ZBTB20: variants seen among roughly 807,000 people sequenced by gnomAD.
ZBTB20 encodes the protein zinc finger and BTB domain containing 20, also known as zinc finger and BTB domain-containing protein 20.
A neutral mutation model predicts 56.9 loss-of-function variants in ZBTB20; 9 were observed. That is an observed-to-expected ratio of 0.16 (90% confidence interval 0.10 to 0.28). The LOEUF (loss-of-function observed/expected upper bound fraction) is 0.28, where lower values mean the gene tolerates loss of function less well. ZBTB20 is among the 10% of genes least tolerant of loss of function. The pLI is 1.00. For synonymous variants in ZBTB20, 417 were observed against 420.7 expected (o/e 0.99, Z 0.11); for missense variants, 655 against 1,003.0 (o/e 0.65, Z 4.69).
intron 2 of ZBTB20, among the ~76,000 whole-genome samples, chr3:115,036,616 T>C (rs1199082841): frequency 6.6e-6 from 1 of 152,188 alleles, no homozygotes; most frequent in African/African-American, 2.4e-5. Context: ...CGTTTCACCA[T>C]GTTGGCCAGG....
chr3:114,826,896 C>T (rs532935403), intron 4 of ZBTB20, among the ~76,000 whole-genome samples: 3 of 151,672 alleles, frequency 2.0e-5, no homozygotes, highest in African/African-American at 7.2e-5. Context: ...ATTGAAACCT[C>T]CTTAATAAGC....
chr3:114,592,814 T>C (rs1309796118), intron 6 of ZBTB20, among the ~76,000 whole-genome samples: 1 of 152,192 alleles, frequency 6.6e-6, no homozygotes, highest in Non-Finnish European at 1.5e-5. Context: ...TTATATAATA[T>C]TTTATTCTAT....
intron 2 of ZBTB20, among the ~76,000 whole-genome samples, chr3:115,013,824 A>G (rs756387999): frequency 6.6e-6 from 1 of 151,720 alleles, no homozygotes; most frequent in African/African-American, 2.4e-5. Flanking sequence ...GTGGAAATGT[A>G]TATTAGTACA....
intron 4 of ZBTB20, among the ~76,000 whole-genome samples, chr3:114,803,134 C>CTT (rs554074169): frequency 7.0e-6 from 1 of 142,214 alleles, no homozygotes. Context: ...CTTTTTCCTT[C>CTT]TTTTTTTTTT....
chr3:114,470,447 T>C (rs1398626650), intron 7 of ZBTB20, among the ~76,000 whole-genome samples: 1 of 152,270 alleles, frequency 6.6e-6, no homozygotes, highest in African/African-American at 2.4e-5. Context: ...TGGTTATATG[T>C]GGAAGACAGG....
intron 7 of ZBTB20, among the ~76,000 whole-genome samples, chr3:114,458,031 C>T (rs114117311): frequency 8.1e-4 from 123 of 152,310 alleles, no homozygotes; most frequent in African/African-American, 2.8e-3. Context: ...TCTTCTGTAG[C>T]TCACTTCAGG....
chr3:114,404,976 G>A (rs963167073), intron 7 of ZBTB20, among the ~76,000 whole-genome samples: 21 of 152,136 alleles, frequency 1.4e-4, no homozygotes, highest in African/African-American at 4.8e-4. Context: ...TTCATGGATA[G>A]CAAGTGAAAA....
intron 1 of ZBTB20, among the ~76,000 whole-genome samples, chr3:115,106,448 T>C (rs548268078): frequency 6.6e-6 from 1 of 151,744 alleles, no homozygotes; most frequent in South Asian, 2.1e-4. Context: ...TTAGCCAGGA[T>C]GGTCTCGATC....
intron 7 of ZBTB20, among the ~76,000 whole-genome samples, chr3:114,455,056 G>T (rs1415379747): frequency 7.0e-6 from 1 of 142,534 alleles, no homozygotes; most frequent in East Asian, 2.1e-4. Flanking sequence ...GAGAGAGAGG[G>T]GGGGGAGAGA....
intron 5 of ZBTB20, among the ~76,000 whole-genome samples, chr3:114,798,685 T>A (rs2071504595): frequency 6.6e-6 from 1 of 152,050 alleles, no homozygotes; most frequent in Non-Finnish European, 1.5e-5. Flanking sequence ...GTTTCTTACA[T>A]CCTTTCCCAC....
intron 5 of ZBTB20, among the ~76,000 whole-genome samples, chr3:114,767,812 C>G (rs1017928061): frequency 6.6e-6 from 1 of 152,044 alleles, no homozygotes; most frequent in African/African-American, 2.4e-5. Flanking sequence ...CTTTCTCCAG[C>G]TGATGCTCAC....
At chr3:114,622,528 G>C (rs1256010198) in intron 6 of ZBTB20, among the ~76,000 whole-genome samples, 1 of 152,162 alleles carries the variant, frequency 6.6e-6, no homozygotes, top group Non-Finnish European at 1.5e-5. Flanking sequence ...AATTGTGATA[G>C]GAAGCTGACT....
At chr3:114,520,180 G>C (rs2046468944) in intron 6 of ZBTB20, 1 of 152,002 alleles carries the variant, frequency 6.6e-6, no homozygotes, top group Non-Finnish European at 1.5e-5. Context: ...AAAGAATAAA[G>C]ATGACTTCTC....
At chr3:114,889,009 A>G (rs1334390165) in intron 4 of ZBTB20, among the ~76,000 whole-genome samples, 1 of 152,120 alleles carries the variant, frequency 6.6e-6, no homozygotes, top group Non-Finnish European at 1.5e-5. Flanking sequence ...TTAACAAAAT[A>G]TAACAATGAA....
intron 7 of ZBTB20, among the ~76,000 whole-genome samples, chr3:114,406,620 AT>A (rs149258987): frequency 0.017 from 2,597 of 152,232 alleles, 79 homozygotes; most frequent in African/African-American, 0.058. Flanking sequence ...GAACATCTTT[AT>A]TTTAAGAGAC....
chr3:114,491,533 C>T (rs1303296893), intron 7 of ZBTB20, among the ~76,000 whole-genome samples: 1 of 152,164 alleles, frequency 6.6e-6, no homozygotes, highest in East Asian at 1.9e-4. Context: ...CTGCTCCTTT[C>T]CTTTACTCCT....
At position 114,740,629 on chromosome 3, in the gene ZBTB20, G is replaced by A. The variant is rs528944011; in HGVS notation, c.-342-47054C>T. ...TATACATGTATGTGTGTGCATATGG[G>A]CAACTTTAAGCACCTTGAATTTAAT... is the stretch of plus-strand genomic sequence containing the variant. On this transcript the variant is annotated intron_variant, in intron 5 of 11. Transcript: ENST00000675478. Among the ~76,000 whole-genome samples, 8 of 152,244 alleles carry A rather than the reference G, an allele frequency of 5.3e-5. No homozygotes were observed. In the South Asian group the frequency reaches 1.2e-3, roughly 24 times the overall value.
chr3:114,897,634 T>G (rs1194600246), intron 4 of ZBTB20, among the ~76,000 whole-genome samples: 2 of 152,054 alleles, frequency 1.3e-5, no homozygotes, highest in African/African-American at 4.8e-5. Context: ...TTGGCTCATC[T>G]CCTAATTTCT....
intron 4 of ZBTB20, among the ~76,000 whole-genome samples, chr3:114,877,310 T>C (rs193128826): frequency 5.3e-5 from 8 of 152,326 alleles, no homozygotes; most frequent in African/African-American, 1.9e-4. Context: ...AAAGGAACTG[T>C]TGGTTCCTCT....
Sources: allele counts gnomAD v4.1 joint callset (sites outside exome capture counted in the v4.1 genomes callset), GRCh38; gene constraint gnomAD v4.1.1; transcripts MANE v1.5; gene names NCBI Gene and HGNC (gene_info 2026-07-23, HGNC 2026-07-21).